The following KANK1 variants were observed in gnomAD, a reference collection of about 807,000 sequenced individuals.
KANK1 encodes the protein KN motif and ankyrin repeat domain-containing protein 1.
KANK1 carries 109 observed loss-of-function variants against 106.2 expected under a neutral mutation model. The observed-to-expected ratio is 1.03, with a 90% CI of 0.88 to 1.20. KANK1 has a LOEUF of 1.20. Among genes scored for constraint, KANK1 ranks in the 50% most tolerant of loss-of-function variants. The pLI, the probability that KANK1 is intolerant of heterozygous loss-of-function variation, is 0.00. For synonymous variants in KANK1, 873 were observed against 652.2 expected (o/e 1.34, Z -5.16); for missense variants, 2,399 against 1,710.7 (o/e 1.40, Z -7.10).
intron 1 of KANK1, among the ~76,000 whole-genome samples, chr9:617,159 A>T (rs1198886780): frequency 6.6e-6 from 1 of 152,102 alleles, no homozygotes; most frequent in African/African-American, 2.4e-5. Flanking sequence ...AATAAAATAT[A>T]ATAAAGAGTT....
chr9:646,988 A>G lies in KANK1; in HGVS notation c.-83-29902A>G, dbSNP rs1039748851. Among the ~76,000 whole-genome samples the G allele has an allele frequency of 9.9e-5, 15 of 150,926 alleles. 1 individual carries two copies. Among genetic ancestry groups the G allele is most frequent in the African/African-American group, 3.5e-4 (14 of 40,270 alleles). On this transcript the variant is annotated intron_variant, in intron 1 of 11. Coordinates refer to ENST00000382297, the MANE Select transcript of KANK1 (RefSeq NM_015158.5). ...ATTGGGATTACCGGCGTGAGCTACT[A>G]TGCACACCCCTTAAACATCATTGTA... is the stretch of plus-strand genomic sequence containing the variant.
chr9:713,912 C>G (rs1204802437), intron 3 of KANK1, among the ~76,000 whole-genome samples: 1 of 152,136 alleles, frequency 6.6e-6, no homozygotes, highest in Non-Finnish European at 1.5e-5. Context: ...AGAGGAGAGA[C>G]TCCATTAATT....
chr9:646,806 A>G (rs185002455), intron 1 of KANK1, among the ~76,000 whole-genome samples: 20 of 150,050 alleles, frequency 1.3e-4, no homozygotes, highest in Admixed American at 1.1e-3. Context: ...TCTTGGTCTC[A>G]GTCTCCCAAG....
intron 1 of KANK1, among the ~76,000 whole-genome samples, chr9:642,619 T>TA (rs1838729237): frequency 6.6e-6 from 1 of 150,938 alleles, no homozygotes; most frequent in Non-Finnish European, 1.5e-5. Flanking sequence ...TACCAGCTGA[T>TA]AAAATTCCCC....
intron 1 of KANK1, among the ~76,000 whole-genome samples, chr9:586,062 C>G (rs1341509082): frequency 6.6e-6 from 1 of 152,172 alleles, no homozygotes; most frequent in East Asian, 1.9e-4. Flanking sequence ...TGTTGAGTAC[C>G]TGCTGTGTGA....
At chr9:497,820 T>G (rs1199106763) in intron 3 of KANK1, among the ~76,000 whole-genome samples, 1 of 150,646 alleles carries the variant, frequency 6.6e-6, no homozygotes, top group Non-Finnish European at 1.5e-5. Context: ...GCCACTGCAC[T>G]CCAGCCTGGG....
At chr9:737,395 G>C (rs764203708) in intron 7 of KANK1, among the ~76,000 whole-genome samples, 3 of 152,184 alleles carry the variant, frequency 2.0e-5, no homozygotes, top group Non-Finnish European at 2.9e-5. Context: ...GTCTTTCTTT[G>C]ATATATTTTT....
At chr9:730,321 C>G (rs1831868746) in intron 4 of KANK1, 73 bp downstream of exon 4, 1 of 1,385,198 alleles carries the variant, frequency 7.2e-7, no homozygotes, top group East Asian at 2.3e-5. Context: ...AATTTAATGT[C>G]AATGTACCTT....
chr9:612,393 A>G (rs1314837941), intron 1 of KANK1, among the ~76,000 whole-genome samples: 1 of 152,238 alleles, frequency 6.6e-6, no homozygotes, highest in Non-Finnish European at 1.5e-5. Context: ...GTAGTTCAAC[A>G]GTATGTAGGC....
chr9:576,599 A>G (rs1277537036), intron 1 of KANK1, among the ~76,000 whole-genome samples: 4 of 152,198 alleles, frequency 2.6e-5, no homozygotes, highest in Non-Finnish European at 4.4e-5. Context: ...TTCACTGGCA[A>G]TCACGGAGAC....
At chr9:639,432 T>A (rs902059298) in intron 1 of KANK1, among the ~76,000 whole-genome samples, 57 of 152,146 alleles carry the variant, frequency 3.7e-4, no homozygotes, top group Admixed American at 3.5e-3. Flanking sequence ...TTCTTTTGCC[T>A]CAGCCTCCCA....
intron 10 of KANK1, among the ~76,000 whole-genome samples, chr9:743,816 C>T (rs377385791): frequency 2.0e-4 from 30 of 152,282 alleles, no homozygotes; most frequent in South Asian, 1.0e-3. Context: ...GATCTGTGAT[C>T]GTGCCACTGC....
At chr9:686,652 A>C in intron 2 of KANK1, 2 of 611,656 alleles carry the variant, frequency 3.3e-6, no homozygotes, top group Non-Finnish European at 4.1e-6. Context: ...CACACTTTAT[A>C]CAGCTTCCAA....
At chr9:679,905 A>G (rs1486244180) in intron 2 of KANK1, among the ~76,000 whole-genome samples, 6 of 152,146 alleles carry the variant, frequency 3.9e-5, no homozygotes, top group African/African-American at 1.4e-4. Flanking sequence ...TACAAAGGAA[A>G]CACCTCTCCA....
At chr9:473,751 A>G (rs967662477) in intron 3 of KANK1, among the ~76,000 whole-genome samples, 1 of 151,950 alleles carries the variant, frequency 6.6e-6, no homozygotes, top group Non-Finnish European at 1.5e-5. Context: ...CCAGGGTGGA[A>G]TGCAGTGGCA....
chr9:526,652 C>G (rs1263577516), intron 1 of KANK1, among the ~76,000 whole-genome samples: 1 of 151,836 alleles, frequency 6.6e-6, no homozygotes, highest in Non-Finnish European at 1.5e-5. Flanking sequence ...ACAAAACCGT[C>G]CATGAAAACA....
intron 3 of KANK1, among the ~76,000 whole-genome samples, chr9:721,149 T>C (rs1338938341): frequency 1.3e-5 from 2 of 152,274 alleles, no homozygotes; most frequent in East Asian, 1.9e-4. Context: ...CTGAAGTTGA[T>C]CTTTAGAGCC....
At chr9:659,310 C>G (rs1211464113) in intron 1 of KANK1, among the ~76,000 whole-genome samples, 1 of 152,118 alleles carries the variant, frequency 6.6e-6, no homozygotes, top group Non-Finnish European at 1.5e-5. Flanking sequence ...CCCAGTTAAC[C>G]CATCTTTGAA....
At position 712,679 on chromosome 9, in the gene KANK1, C is replaced by A; in HGVS notation, c.1913C>A (p.Thr638Asn). 1 of 1,614,150 alleles carries A rather than the reference C, an allele frequency of 6.2e-7. No individual in the cohort carries two copies. Among genetic ancestry groups the A allele is most frequent in the Non-Finnish European group, 8.5e-7 (1 of 1,180,028 alleles). ...IGCGDCSVDVTVCSPKECASR... is the reference protein window; with the variant it reads ...IGCGDCSVDVNVCSPKECASR... ...TGTGGAGATTGTTCTGTTGACGTGA[C>A]CGTCTGCTCTCCAAAGGAGTGCGCC... is the stretch of plus-strand genomic sequence containing the variant. Residue 638 changes from threonine to asparagine, a missense_variant, in exon 3 of 12, where the codon ACC becomes AAC. Transcript: ENST00000382297.
Sources: gnomAD v4.1 joint callset for allele counts (sites outside exome capture counted in the v4.1 genomes callset) on GRCh38, gnomAD v4.1.1 for gene constraint, MANE v1.5 for transcripts, NCBI Gene and HGNC (gene_info 2026-07-23, HGNC 2026-07-21) for gene names.